CLIC2: variants seen among roughly 807,000 people sequenced by gnomAD.
CLIC2 encodes chloride intracellular channel protein 2.
A neutral mutation model predicts 14.8 loss-of-function variants in CLIC2; 9 were observed. That is an observed-to-expected ratio of 0.61 (90% confidence interval 0.37 to 1.06). The LOEUF is 1.06. Ranked by LOEUF, CLIC2 falls within the 50% of genes least tolerant of loss-of-function variation. The probability of loss-of-function intolerance (pLI) is 0.01; values close to 1 mark genes in which losing one functional copy is unlikely to be tolerated. For synonymous variants in CLIC2, 61 were observed against 66.3 expected (o/e 0.92, Z 0.39); for missense variants, 148 against 181.4 (o/e 0.82, Z 1.06).
chrX:155,308,663 A>G (rs782806501), intron 1 of CLIC2, among the ~76,000 whole-genome samples: 1 of 112,427 alleles, frequency 8.9e-6, no homozygotes, highest in East Asian at 2.8e-4. Flanking sequence ...TAAAGCAGCA[A>G]GAGAAAAGAA....
intron 3 of CLIC2, chrX:155,293,146 G>A: frequency 3.0e-6 from 2 of 658,040 alleles, no homozygotes; most frequent in South Asian, 2.2e-5. Flanking sequence ...AGGCACTTCG[G>A]ACAGCTCCTC....
At chrX:155,331,434 A>C (rs142014475) in intron 1 of CLIC2, among the ~76,000 whole-genome samples, 1,138 of 111,864 alleles carry the variant, frequency 0.01, 12 homozygotes, top group African/African-American at 0.032. Context: ...CAAAGACAGG[A>C]TGCAGCCATT....
intron 1 of CLIC2, among the ~76,000 whole-genome samples, chrX:155,300,301 T>A (rs1249208592): frequency 9.1e-6 from 1 of 110,486 alleles, no homozygotes; most frequent in Non-Finnish European, 1.9e-5. Context: ...TCATTGTGGT[T>A]TTGATTTGCA....
At chrX:155,308,224 A>G (rs1266142641) in intron 1 of CLIC2, among the ~76,000 whole-genome samples, 1 of 110,512 alleles carries the variant, frequency 9.0e-6, no homozygotes, top group Non-Finnish European at 1.9e-5. Context: ...ATAACTTAAA[A>G]GAATCGAGTG....
At position 155,317,990 on chromosome X, in the gene CLIC2, C is replaced by T. The variant is rs187487499; in HGVS notation, c.57+16381G>A. Reference sequence around the variant, plus strand: ...TCTCAATAGATACATAAAAAGCATTCGACAAAATCCAGCATCTCTTTATGA... The same window carrying T: ...TCTCAATAGATACATAAAAAGCATTTGACAAAATCCAGCATCTCTTTATGA... On this transcript the variant is annotated intron_variant, in intron 1 of 5. Transcript: ENST00000369449. 3.4e-4 allele frequency among the ~76,000 whole-genome samples: 38 copies of T among 111,415 alleles called. No individual in the cohort carries two copies. In the East Asian group the frequency reaches 7.3e-3, roughly 21 times the overall value.
At chrX:155,284,256 T>TTA (rs2074932160) in intron 3 of CLIC2, among the ~76,000 whole-genome samples, 1 of 105,109 alleles carries the variant, frequency 9.5e-6, no homozygotes, top group Non-Finnish European at 2.0e-5. Context: ...TCCCTGGGAT[T>TTA]TTTTTTTTTT....
chrX:155,298,232 G>T (rs2075001117), intron 3 of CLIC2, among the ~76,000 whole-genome samples: 1 of 111,948 alleles, frequency 8.9e-6, no homozygotes, highest in South Asian at 3.7e-4. Flanking sequence ...AATAGCTGTT[G>T]TTTTAAGATA....
intron 1 of CLIC2, among the ~76,000 whole-genome samples, chrX:155,319,851 T>A (rs971136186): frequency 8.9e-6 from 1 of 111,984 alleles, no homozygotes; most frequent in Non-Finnish European, 1.9e-5. Flanking sequence ...GAAGTCGACC[T>A]GGGATGCTTC....
At chrX:155,318,194 A>C (rs1905372282) in intron 1 of CLIC2, among the ~76,000 whole-genome samples, 1 of 111,668 alleles carries the variant, frequency 9.0e-6, no homozygotes, top group Admixed American at 9.6e-5. Context: ...TAGTACTGGA[A>C]GTCCCAGCCA....
chrX:155,276,464 T>C lies in CLIC2; in HGVS notation c.*1439A>G, dbSNP rs2074898838. The C allele has an allele frequency of 8.9e-6, 1 of 111,860 alleles. No individual in the cohort carries two copies. Among genetic ancestry groups the C allele is most frequent in the African/African-American group, 3.2e-5 (1 of 30,823 alleles). 9.2% of individuals were successfully genotyped at this position (111,860 alleles called of 1,213,427 possible). A position where few individuals can be genotyped will look rare whatever the true frequency, so the allele number is the denominator to read the frequency against. ...ACCCTACTGTGGTGAATGCCAAAAT[T>C]TATTCTTCCTAGGTGTAACTTTATA... On this transcript the variant is annotated 3_prime_UTR_variant, in exon 6 of 6. Transcript: ENST00000369449.
chrX:155,314,687 T>G lies in CLIC2; in HGVS notation c.58-15542A>C, dbSNP rs782213361. On this transcript the variant is annotated intron_variant, in intron 1 of 5. Transcript: ENST00000369449. The stretch of plus-strand genomic sequence containing the variant: ...AAGGTAATTTAACACTCCCAAAAGA[T>G]CACACCAGCTCACAAGCAATGGATC... Among the ~76,000 whole-genome samples the G allele has an allele frequency of 7.3e-4, 81 of 111,297 alleles. 1 individual carries two copies. The South Asian group carries it at 0.03, about 41-fold the overall frequency.
chrX:155,305,658 T>C (rs1206518942), intron 1 of CLIC2, among the ~76,000 whole-genome samples: 5 of 112,817 alleles, frequency 4.4e-5, no homozygotes, highest in African/African-American at 1.3e-4. Context: ...CATTTCCTTA[T>C]TTTGTGAATT....
intron 3 of CLIC2, among the ~76,000 whole-genome samples, chrX:155,286,558 T>TATC (rs2074943728): frequency 8.9e-6 from 1 of 112,529 alleles, no homozygotes; most frequent in Non-Finnish European, 1.9e-5. Flanking sequence ...ATCACTACAC[T>TATC]ATCTTCCACA....
At position 155,278,066 on chromosome X, in the gene CLIC2, T is replaced by C. The variant is rs1397898000; in HGVS notation, c.583-2A>G. 8.3e-7 allele frequency: 1 copy of C among 1,208,695 alleles called. No homozygotes were observed. Among genetic ancestry groups the C allele is most frequent in the Non-Finnish European group, 1.1e-6 (1 of 893,501 alleles). ...GTCACGATATTTCTTGGCAGCAACC[T>C]AGAATTTTGCAAAAAAAAGAGGAAA... On this transcript the variant is annotated splice_acceptor_variant, in intron 5 of 5. Coordinates refer to ENST00000369449, the MANE Select transcript of CLIC2 (RefSeq NM_001289.6). LOFTEE classifies it high-confidence loss of function.
intron 3 of CLIC2, among the ~76,000 whole-genome samples, chrX:155,298,407 G>A (rs1046787207): frequency 2.4e-4 from 27 of 111,372 alleles, no homozygotes; most frequent in African/African-American, 8.5e-4. Context: ...CTGGCCACTA[G>A]CCCTCGTGTT....
At chrX:155,319,628 C>T (rs192397707) in intron 1 of CLIC2, among the ~76,000 whole-genome samples, 20 of 111,783 alleles carry the variant, frequency 1.8e-4, no homozygotes, top group African/African-American at 5.8e-4. Flanking sequence ...CAAAACTGGG[C>T]GGCCATTTGG....
At chrX:155,292,071 G>A (rs1311784365) in intron 3 of CLIC2, 1 of 559,086 alleles carries the variant, frequency 1.8e-6, no homozygotes, top group African/African-American at 2.2e-5. Context: ...GGTTCTAGGA[G>A]CTGTGAAACT....
At chrX:155,299,207 T>C in intron 1 of CLIC2, 62 bp from the exon 2 acceptor site, 1 of 893,401 alleles carries the variant, frequency 1.1e-6, no homozygotes, top group Non-Finnish European at 1.6e-6. Context: ...ATTTAGTTCC[T>C]AATAGGAAAT....
chrX:155,317,569 AT>A lies in CLIC2; in HGVS notation c.57+16801del, dbSNP rs782569669. Among the ~76,000 whole-genome samples the A allele has an allele frequency of 1.7e-4, 19 of 111,816 alleles. No homozygotes were observed. In the Admixed American group the frequency reaches 1.7e-3, roughly 10 times the overall value. On this transcript the variant is annotated intron_variant, in intron 1 of 5. Transcript: ENST00000369449. The stretch of plus-strand genomic sequence containing the variant: ...GCAAGATTAAAATGATAATTTAAAA[AT>A]TGCCAACAACAACAACAAAAGTCCA...
Sources: allele counts gnomAD v4.1 joint callset (sites outside exome capture counted in the v4.1 genomes callset), GRCh38; gene constraint gnomAD v4.1.1; transcripts MANE v1.5; gene names NCBI Gene and HGNC (gene_info 2026-07-23, HGNC 2026-07-21).